The following ALK variants were observed in gnomAD, a reference collection of about 807,000 sequenced individuals.
The protein encoded by ALK is ALK tyrosine kinase receptor.
Under a neutral mutation model 163.1 loss-of-function variants are expected in ALK, and 74 were observed. The observed-to-expected ratio is 0.45, with a 90% confidence interval of 0.38 to 0.55. ALK has a LOEUF of 0.55. Among genes scored for constraint, ALK ranks in the 20% least tolerant of loss-of-function variants. The pLI is 0.00. For synonymous variants in ALK, 960 were observed against 843.2 expected (o/e 1.14, Z -2.40); for missense variants, 2,063 against 2,105.3 (o/e 0.98, Z 0.39).
intron 1 of ALK, among the ~76,000 whole-genome samples, chr2:29,836,235 A>G (rs144138403): frequency 1.3e-5 from 2 of 152,342 alleles, no homozygotes; most frequent in African/African-American, 4.8e-5. Flanking sequence ...AAATTTTATC[A>G]AAGTTATCTG....
chr2:29,486,535 G>T (rs3884503), intron 4 of ALK, among the ~76,000 whole-genome samples: 120,967 of 152,170 alleles, frequency 0.79, 48,662 homozygotes, highest in Non-Finnish European at 0.86. Flanking sequence ...AGCACATTTT[G>T]AAGATCAATG....
chr2:29,512,124 T>C (rs1457325175), intron 4 of ALK, among the ~76,000 whole-genome samples: 2 of 152,274 alleles, frequency 1.3e-5, no homozygotes, highest in African/African-American at 2.4e-5. Flanking sequence ...TCTAAAAAAG[T>C]TTTTTCTTAC....
chr2:29,916,067 A>G (rs978569711), intron 1 of ALK, among the ~76,000 whole-genome samples: 2 of 152,232 alleles, frequency 1.3e-5, no homozygotes, highest in Admixed American at 1.3e-4. Context: ...GCCATTCTGC[A>G]TCCCAGCTCT....
intron 1 of ALK, among the ~76,000 whole-genome samples, chr2:29,885,734 G>C (rs534942727): frequency 1.3e-5 from 2 of 152,120 alleles, no homozygotes; most frequent in Non-Finnish European, 2.9e-5. Context: ...AGCAGTTCCA[G>C]AAAACAAATT....
At chr2:29,645,670 G>A (rs1169176800) in intron 3 of ALK, among the ~76,000 whole-genome samples, 1 of 152,056 alleles carries the variant, frequency 6.6e-6, no homozygotes, top group Non-Finnish European at 1.5e-5. Context: ...TGCCACCACT[G>A]CTCCTATCAA....
At chr2:29,781,052 A>G (rs988020221) in intron 1 of ALK, among the ~76,000 whole-genome samples, 2 of 152,220 alleles carry the variant, frequency 1.3e-5, no homozygotes, top group Admixed American at 6.5e-5. Flanking sequence ...TGCACCTTCT[A>G]TATGTCTGGA....
chr2:29,788,188 A>G (rs1451269850), intron 1 of ALK, among the ~76,000 whole-genome samples: 2 of 152,210 alleles, frequency 1.3e-5, no homozygotes, highest in African/African-American at 4.8e-5. Flanking sequence ...AGCTGGTTAG[A>G]TTAAGGAGCA....
At chr2:29,566,531 C>A (rs1674194892) in intron 3 of ALK, among the ~76,000 whole-genome samples, 1 of 152,112 alleles carries the variant, frequency 6.6e-6, no homozygotes, top group Non-Finnish European at 1.5e-5. Flanking sequence ...TGTGGGAGAA[C>A]AAATTGTCAC....
At chr2:29,749,137 C>T (rs1419374191) in intron 1 of ALK, among the ~76,000 whole-genome samples, 1 of 152,206 alleles carries the variant, frequency 6.6e-6, no homozygotes, top group African/African-American at 2.4e-5. Context: ...CTCCAAGGCA[C>T]ATCAAAGTCA....
At chr2:29,544,171 C>T (rs981883404) in intron 3 of ALK, among the ~76,000 whole-genome samples, 3 of 152,142 alleles carry the variant, frequency 2.0e-5, no homozygotes, top group Non-Finnish European at 4.4e-5. Flanking sequence ...AGAAGGAGTG[C>T]AGTGTAATGC....
chr2:29,859,240 G>A (rs1002289623), intron 1 of ALK, among the ~76,000 whole-genome samples: 2 of 152,210 alleles, frequency 1.3e-5, no homozygotes, highest in African/African-American at 4.8e-5. Context: ...CTAGTGGCAA[G>A]AAGTTGCTGT....
chr2:29,616,191 G>T (rs528744004), intron 3 of ALK, among the ~76,000 whole-genome samples: 13 of 152,186 alleles, frequency 8.5e-5, no homozygotes, highest in Non-Finnish European at 1.9e-4. Context: ...GGGAGCTCCT[G>T]CTTGGAACCC....
intron 3 of ALK, among the ~76,000 whole-genome samples, chr2:29,568,787 A>G (rs1411279446): frequency 2.0e-5 from 3 of 152,306 alleles, no homozygotes; most frequent in East Asian, 3.9e-4. Context: ...TTTGTCATCT[A>G]TAAAGATGCT....
At chr2:29,602,417 A>G (rs1424803073) in intron 3 of ALK, among the ~76,000 whole-genome samples, 7 of 152,182 alleles carry the variant, frequency 4.6e-5, no homozygotes. Flanking sequence ...AATATATAAG[A>G]CAGACATGAG....
chr2:29,897,855 T>A (rs1398389318), intron 1 of ALK, among the ~76,000 whole-genome samples: 1 of 152,174 alleles, frequency 6.6e-6, no homozygotes, highest in African/African-American at 2.4e-5. Flanking sequence ...GCCCATGTTA[T>A]ATTTCCTCAG....
chr2:29,449,870 G>C (rs1372068870), intron 4 of ALK, among the ~76,000 whole-genome samples: 1 of 152,200 alleles, frequency 6.6e-6, no homozygotes, highest in Non-Finnish European at 1.5e-5. Flanking sequence ...TTGGAGGAAA[G>C]GTCTGCAATT....
intron 1 of ALK, among the ~76,000 whole-genome samples, chr2:29,791,215 G>C (rs1029476954): frequency 2.0e-5 from 3 of 152,090 alleles, no homozygotes; most frequent in Admixed American, 2.0e-4. Flanking sequence ...CAATAGCAAA[G>C]ACTTGGAACC....
intron 7 of ALK, 146 bp from the exon 8 acceptor site, chr2:29,318,550 G>A (rs911241496): frequency 1.5e-6 from 1 of 650,226 alleles, no homozygotes; most frequent in African/African-American, 1.8e-5. Context: ...GGAGAAGAAA[G>A]CCCACCTGTC....
At chr2:29,859,951 G>A (rs1558522319) in intron 1 of ALK, among the ~76,000 whole-genome samples, 2 of 152,166 alleles carry the variant, frequency 1.3e-5, no homozygotes, top group Non-Finnish European at 2.9e-5. Context: ...GTTCCCAAAG[G>A]ATGGGAGAAA....
Sources: allele counts gnomAD v4.1 joint callset (sites outside exome capture counted in the v4.1 genomes callset), GRCh38; gene constraint gnomAD v4.1.1; transcripts MANE v1.5; gene names NCBI Gene and HGNC (gene_info 2026-07-23, HGNC 2026-07-21).